GALE: variants seen among roughly 807,000 people sequenced by gnomAD.
GALE encodes UDP-glucose 4-epimerase.
Under a neutral mutation model 44.1 loss-of-function variants are expected in GALE, and 32 were observed. That is an observed-to-expected ratio of 0.73 (90% CI 0.55 to 0.97). The LOEUF (loss-of-function observed/expected upper bound fraction) is 0.97. Ranked by LOEUF, GALE falls within the 50% of genes least tolerant of loss-of-function variation. The pLI is 0.00. For missense variants in GALE, 423 were observed against 455.6 expected, an observed-to-expected ratio of 0.93 and a Z score of 0.65; for synonymous variants, 182 against 183.5, an observed-to-expected ratio of 0.99 and a Z score of 0.06.
chr1:23,795,765 A>C lies in GALE; in HGVS notation c.*184T>G. Reference sequence around the variant, plus strand: ...GGACCCTGTGGAAGATAAGAGTTAGAGACCTCGGCCTCCTGGTCAGTGGAG... The same window carrying C: ...GGACCCTGTGGAAGATAAGAGTTAGCGACCTCGGCCTCCTGGTCAGTGGAG... On this transcript the variant is annotated 3_prime_UTR_variant, in exon 12 of 12. Transcript: ENST00000617979. 1.6e-6 allele frequency: 1 copy of C among 641,330 alleles called. No homozygotes were observed. Among genetic ancestry groups the C allele is most frequent in the Non-Finnish European group, 2.8e-6 (1 of 354,980 alleles). The allele number at this position is 641,330 out of a possible 1,614,324, so 39.7% of individuals were successfully genotyped here.
Position 23,796,566 on chromosome 1 carries a change from GC to G in GALE, c.815del (p.Gly272AlafsTer53), listed in dbSNP as rs1351636899. 6.2e-7 allele frequency: 1 copy of G among 1,614,102 alleles called. No homozygotes were observed. The highest frequency in any genetic ancestry group is 8.5e-7 in the Non-Finnish European group (1 of 1,180,020). ...CCATCTGCAGCACTGAATAGCCTGT[GC>G]CCGTGCCCAGGTTGTAGATCTGGCC... ...CGCRIYNLGT[G>X]TGYSVLQMVQ... On this transcript the variant is annotated frameshift_variant, in exon 10 of 12. Transcript: ENST00000617979. LOFTEE classifies it high-confidence loss of function. This position sits in a 1 kb window ranked among gnomAD's most constrained non-coding sequence, Gnocchi z 5.2.
chr1:23,798,191 C>T lies in GALE; in HGVS notation c.277G>A (p.Ala93Thr), dbSNP rs1639022376. 1 of 1,614,114 alleles carries T rather than the reference C, an allele frequency of 6.2e-7. No homozygotes were observed. The highest frequency in any genetic ancestry group is 8.5e-7 in the Non-Finnish European group (1 of 1,180,030). ...GGCTTCTGCACCGACTCGCCCACGG[C>T]CTTGAGCCCCGCAAAGTGGATGACC... ...MAVIHFAGLK[A>T]VGESVQKPLD... The change falls in exon 5 of 12, where the codon GCC (alanine) becomes ACC (threonine). Residue 93 changes from alanine (A) to threonine (T), a missense_variant. Physicochemically the swap from Ala to Thr is moderately conservative, Grantham distance 58 (BLOSUM62 0). Transcript: ENST00000617979. This position sits in a 1 kb window ranked among gnomAD's most constrained non-coding sequence, Gnocchi z 4.5.
At chr1:23,799,520 A>C (rs115989286) in intron 1 of GALE, 84 bp from the exon 2 acceptor site, 10 of 215,624 alleles carry the variant, frequency 4.6e-5, no homozygotes, top group Admixed American at 2.6e-4. Context: ...GGCTTGTCCA[A>C]TGCCTCCGCC....
chr1:23,799,398 C>T lies in GALE; in HGVS notation c.-38G>A, dbSNP rs1639062263. The T allele has an allele frequency of 3.0e-5, 10 of 328,666 alleles. No individual in the cohort carries two copies. The highest frequency in any genetic ancestry group is 7.6e-5 in the South Asian group (3 of 39,598). The allele number at this position is 328,666 out of a possible 1,614,324, so 20.4% of individuals were successfully genotyped here. ...TTGGAAAAGATGGAATCTGAGGATCCACACTTCTTTGTCCAAGGTGACTGA... is the reference window on the plus strand; with the variant it reads ...TTGGAAAAGATGGAATCTGAGGATCTACACTTCTTTGTCCAAGGTGACTGA... On this transcript the variant is annotated 5_prime_UTR_variant, in exon 2 of 12. Coordinates refer to ENST00000617979, the MANE Select transcript of GALE (RefSeq NM_001008216.2).
Position 23,796,625 on chromosome 1 carries a change from C to A in GALE, c.796-39G>T. The stretch of plus-strand genomic sequence containing the variant: ...AACAGGGTTTATGGAGCGGGCTGGA[C>A]TGACCACGCCTCTGGGCCGCTCTGC... On this transcript the variant is annotated intron_variant, in intron 9 of 11. Transcript: ENST00000617979. This position sits in a 1 kb window ranked among gnomAD's most constrained non-coding sequence, Gnocchi z 5.2. 6.2e-7 allele frequency: 1 copy of A among 1,614,156 alleles called. No homozygotes were observed. The highest frequency in any genetic ancestry group is 8.5e-7 in the Non-Finnish European group (1 of 1,180,026).
In GALE at chr1:23,796,953, AGATCAGGTCAGTTCG is replaced by A. The variant is rs1205471954; in HGVS notation, c.643-26_643-12del. The stretch of plus-strand genomic sequence containing the variant: ...TCGCCCGATCGCCACCTGGAGGTGG[AGATCAGGTCAGTTCG>A]TCCCAGATCCCAGGCACCAGCTTTA... On this transcript the variant is annotated splice_polypyrimidine_tract_variant and intron_variant, in intron 7 of 11. Transcript: ENST00000617979. This position sits in a 1 kb window ranked among gnomAD's most constrained non-coding sequence, Gnocchi z 5.2. The A allele has an allele frequency of 1.7e-5, 27 of 1,612,242 alleles. No individual in the cohort carries two copies. Among genetic ancestry groups the A allele is most frequent in the Non-Finnish European group, 2.2e-5 (26 of 1,179,158 alleles).
In GALE at chr1:23,798,935, CCTCCAGCAG is replaced by C; in HGVS notation, c.64_72del (p.Leu22_Glu24del). 2 of 1,614,212 alleles carry C rather than the reference CCTCCAGCAG, an allele frequency of 1.2e-6. No individual in the cohort carries two copies. The highest frequency in any genetic ancestry group is 2.2e-5 in the South Asian group (2 of 91,090). On this transcript the variant is annotated inframe_deletion, in exon 3 of 12. Coordinates refer to ENST00000617979, the MANE Select transcript of GALE (RefSeq NM_001008216.2). The surrounding 1 kb of genome is among the most constrained non-coding windows in gnomAD (Gnocchi z 4.5). ...TCGATGACCACAGGCAAGTAGCCAG[CCTCCAGCAG>C]CTCCAGCACCGTGTGGCTGCCAATG...
intron 5 of GALE, 53 bp from the exon 6 acceptor site, chr1:23,797,924 C>T: frequency 3.8e-6 from 6 of 1,574,474 alleles, no homozygotes; most frequent in South Asian, 1.1e-5. Context: ...TTACTCCCAC[C>T]CTGTTACTCC....
intron 6 of GALE, 106 bp from the exon 7 acceptor site, chr1:23,797,253 A>C: frequency 1.3e-6 from 1 of 798,730 alleles, no homozygotes; most frequent in East Asian, 2.7e-5. Context: ...ATGGAGTCTC[A>C]CTATGGCCCA....
At position 23,796,087 on chromosome 1, in the gene GALE, G is replaced by A. The variant is rs563252818; in HGVS notation, c.988+64C>T. 2 of 1,603,314 alleles carry A rather than the reference G, an allele frequency of 1.2e-6. No homozygotes were observed. Among genetic ancestry groups the A allele is most frequent in the Admixed American group, 1.7e-5 (1 of 59,812 alleles). On this transcript the variant is annotated intron_variant, in intron 11 of 11. Coordinates refer to ENST00000617979, the MANE Select transcript of GALE (RefSeq NM_001008216.2). This position sits in a 1 kb window ranked among gnomAD's most constrained non-coding sequence, Gnocchi z 5.2. The stretch of plus-strand genomic sequence containing the variant: ...CCACCCCACAGCCCGCCCTGGGTGG[G>A]CATGCCCAGATCTGATTTAGCCCCT...
Position 23,799,026 on chromosome 1 carries a change from C to G in GALE, c.-5-14G>C, listed in dbSNP as rs1553130752. On this transcript the variant is annotated splice_polypyrimidine_tract_variant and intron_variant, in intron 2 of 11. Coordinates refer to ENST00000617979, the MANE Select transcript of GALE (RefSeq NM_001008216.2). ...CTGCCATGGCACCTGGCCCAGGATA[C>G]AGAGTCTCAGAGGTGGCTGAGGCTG... The G allele has an allele frequency of 3.1e-6, 5 of 1,614,060 alleles. No individual in the cohort carries two copies. Among genetic ancestry groups the G allele is most frequent in the Non-Finnish European group, 4.2e-6 (5 of 1,180,022 alleles).
Position 23,797,127 on chromosome 1 carries a change from C to T in GALE, c.549G>A (p.Leu183=). ...GGGCACCTGTGGGGTTGAAATAGCG[C>T]AGCAGCACTGCGTTCCAAGTCTGTG... The part of the protein sequence containing the change: ...QADKTWNAVL[L]RYFNPTGAHA... Residue 183 remains leucine (L), a synonymous_variant, in exon 7 of 12, where the codon CTG becomes CTA. Transcript: ENST00000617979. 1 of 1,610,976 alleles carries T rather than the reference C, an allele frequency of 6.2e-7. No individual in the cohort carries two copies. Among genetic ancestry groups the T allele is most frequent in the South Asian group, 1.1e-5 (1 of 90,168 alleles).
At position 23,796,523 on chromosome 1, in the gene GALE, C is replaced by T. The variant is rs1202818248; in HGVS notation, c.859G>A (p.Ala287Thr). The T allele has an allele frequency of 5.6e-6, 9 of 1,613,382 alleles. No individual in the cohort carries two copies. Among genetic ancestry groups the T allele is most frequent in the Non-Finnish European group, 7.6e-6 (9 of 1,179,986 alleles). Residue 287 changes from alanine to threonine, a missense_variant, in exon 10 of 12, where the codon GCC becomes ACC. Ala to Thr is a moderately conservative substitution (Grantham distance 58, BLOSUM62 0). Transcript: ENST00000617979. The surrounding 1 kb of genome is among the most constrained non-coding windows in gnomAD (Gnocchi z 5.2). ...GGGGGGCCTACCTTCTTCCCAGAGG[C>T]CTTCTCCATAGCCTGGACCATCTGC... ...VLQMVQAMEK[A>T]SGKKIPYKVV...
chr1:23,796,373 G>T lies in GALE; in HGVS notation c.874-108C>A. ...GAGCAGCGGCTGGCCCGCAGGCACC[G>T]GGTGCTAGGCAGGCTGAGGAGACTG... On this transcript the variant is annotated intron_variant, in intron 10 of 11. Coordinates refer to ENST00000617979, the MANE Select transcript of GALE (RefSeq NM_001008216.2). This position sits in a 1 kb window ranked among gnomAD's most constrained non-coding sequence, Gnocchi z 5.2. 2 of 1,428,924 alleles carry T rather than the reference G, an allele frequency of 1.4e-6. No individual in the cohort carries two copies. The highest frequency in any genetic ancestry group is 2.0e-6 in the Non-Finnish European group (2 of 1,016,374). The allele number at this position is 1,428,924 out of a possible 1,614,324, so 88.5% of individuals were successfully genotyped here. A position where few individuals can be genotyped will look rare whatever the true frequency, so the allele number is the denominator to read the frequency against.
At position 23,799,444 on chromosome 1, in the gene GALE, G is replaced by A. The variant is rs1639063000; in HGVS notation, c.-76-8C>T. On this transcript the variant is annotated splice_polypyrimidine_tract_variant and splice_region_variant and intron_variant, in intron 1 of 11. Coordinates refer to ENST00000617979, the MANE Select transcript of GALE (RefSeq NM_001008216.2). ...ACTGAGGACTGGAGAGTCCTGGGCA[G>A]AAGGAAAATGGCAGCACGATTGGGA... 3.4e-6 allele frequency: 1 copy of A among 290,308 alleles called. No homozygotes were observed. Among genetic ancestry groups the A allele is most frequent in the African/African-American group, 2.2e-5 (1 of 45,384 alleles). 18.0% of individuals were successfully genotyped at this position (290,308 alleles called of 1,614,324 possible).
chr1:23,799,710 T>C (rs1463596189), intron 1 of GALE: 2 of 155,106 alleles, frequency 1.3e-5, no homozygotes, highest in Non-Finnish European at 2.9e-5. Context: ...ACACCGTGGT[T>C]GGTCCTGGAG....
At chr1:23,797,925 C>G in intron 5 of GALE, 54 bp from the exon 6 acceptor site, 1 of 1,575,746 alleles carries the variant, frequency 6.3e-7, no homozygotes, top group South Asian at 1.1e-5. Context: ...TACTCCCACC[C>G]TGTTACTCCT....
intron 2 of GALE, 114 bp downstream of exon 2, chr1:23,799,252 T>A: frequency 1.8e-6 from 1 of 562,726 alleles, no homozygotes; most frequent in Non-Finnish European, 3.2e-6. Context: ...GAGCTAATAA[T>A]TGTATAAACT....
Position 23,796,128 on chromosome 1 carries a change from G to A in GALE, c.988+23C>T. On this transcript the variant is annotated intron_variant, in intron 11 of 11. Coordinates refer to ENST00000617979, the MANE Select transcript of GALE (RefSeq NM_001008216.2). The surrounding 1 kb of genome is among the most constrained non-coding windows in gnomAD (Gnocchi z 5.2). ...TTTAGCCCCTCCCTGGCCCCTAACTGCAGGGGTCAGGCCAGCACTCACACA... is the reference window on the plus strand; with the variant it reads ...TTTAGCCCCTCCCTGGCCCCTAACTACAGGGGTCAGGCCAGCACTCACACA... 1 of 1,599,890 alleles carries A rather than the reference G, an allele frequency of 6.3e-7. No homozygotes were observed. Among genetic ancestry groups the A allele is most frequent in the Non-Finnish European group, 8.6e-7 (1 of 1,167,026 alleles).
Sources: allele counts gnomAD v4.1 joint callset, GRCh38; gene constraint gnomAD v4.1.1; non-coding constraint Gnocchi (gnomAD v3.1); transcripts MANE v1.5; gene names NCBI Gene and HGNC (gene_info 2026-07-23, HGNC 2026-07-21).